The following VPS8 variants were observed in gnomAD, a reference collection of about 807,000 sequenced individuals.
The protein encoded by VPS8 is vacuolar protein sorting-associated protein 8 homolog.
VPS8 carries 129 observed loss-of-function variants against 216.4 expected under a neutral mutation model. The observed-to-expected ratio is 0.60, with a 90% CI of 0.52 to 0.69. The LOEUF (loss-of-function observed/expected upper bound fraction) is 0.69. Ranked by LOEUF, VPS8 falls within the 30% of genes least tolerant of loss-of-function variation. The pLI, the probability that VPS8 is intolerant of heterozygous loss-of-function variation, is 0.00. For synonymous variants in VPS8, 571 were observed against 565.4 expected (o/e 1.01, Z -0.14); for missense variants, 1,531 against 1,683.5 (o/e 0.91, Z 1.59).
At chr3:185,022,680 A>G (rs1369081140) in intron 45 of VPS8, among the ~76,000 whole-genome samples, 1 of 152,178 alleles carries the variant, frequency 6.6e-6, no homozygotes, top group African/African-American at 2.4e-5. Flanking sequence ...CTGGTAATTT[A>G]TAGTCTCCTT....
intron 40 of VPS8, among the ~76,000 whole-genome samples, chr3:184,975,596 A>G (rs961474570): frequency 6.6e-6 from 1 of 152,142 alleles, no homozygotes; most frequent in Non-Finnish European, 1.5e-5. Context: ...GTTGAATAAC[A>G]GTGGTAAAAG....
At chr3:185,041,810 A>C (rs995493927) in intron 46 of VPS8, among the ~76,000 whole-genome samples, 5 of 152,210 alleles carry the variant, frequency 3.3e-5, no homozygotes, top group Non-Finnish European at 7.3e-5. Context: ...GTCACTGCAG[A>C]GCGTAGCCTT....
At chr3:184,849,871 G>T in intron 9 of VPS8, 65 bp from the exon 10 acceptor site, 1 of 1,191,662 alleles carries the variant, frequency 8.4e-7, no homozygotes, top group South Asian at 1.3e-5. Context: ...CAGCCAGAAG[G>T]CAGGATACTT....
intron 22 of VPS8, 78 bp downstream of exon 22, chr3:184,886,234 C>T: frequency 1.5e-6 from 2 of 1,331,070 alleles, no homozygotes; most frequent in African/African-American, 1.5e-5. Context: ...GCTAAGAATT[C>T]TATGAATTTG....
intron 46 of VPS8, among the ~76,000 whole-genome samples, chr3:185,046,458 G>A (rs935080731): frequency 6.6e-6 from 1 of 152,182 alleles, no homozygotes; most frequent in Non-Finnish European, 1.5e-5. Flanking sequence ...CTCTTCCCTG[G>A]ATGGTGGAGT....
chr3:184,834,161 T>C (rs941564088), intron 4 of VPS8, among the ~76,000 whole-genome samples: 2 of 152,130 alleles, frequency 1.3e-5, no homozygotes, highest in African/African-American at 4.8e-5. Flanking sequence ...AAGAAGGCAG[T>C]AGGGTAATGT....
At chr3:184,999,617 C>T in intron 44 of VPS8, 79 bp from the exon 45 acceptor site, 8 of 1,463,382 alleles carry the variant, frequency 5.5e-6, no homozygotes, top group Non-Finnish European at 7.3e-6. Flanking sequence ...ATTTTTATTG[C>T]TTCTAAGTAC....
Position 184,929,788 on chromosome 3 carries a change from C to G in VPS8, c.2799+124C>G, listed in dbSNP as rs2109229444. Reference sequence around the variant, plus strand: ...GCCAAATACACATTGATAATTAAAACAGATACAGTTCTTGCAGTTTTGGAA... The same window carrying G: ...GCCAAATACACATTGATAATTAAAAGAGATACAGTTCTTGCAGTTTTGGAA... On this transcript the variant is annotated intron_variant, in intron 33 of 47. Transcript: ENST00000625842. The G allele has an allele frequency of 1.1e-5, 6 of 559,996 alleles. No homozygotes were observed. The South Asian group carries it at 1.6e-4, about 15-fold the overall frequency. The allele number at this position is 559,996 out of a possible 1,614,324, so 34.7% of individuals were successfully genotyped here. A position where few individuals can be genotyped will look rare whatever the true frequency, so the allele number is the denominator to read the frequency against.
At position 184,886,914 on chromosome 3, in the gene VPS8, T is replaced by C. The variant is rs146372170; in HGVS notation, c.1781+758T>C. Among the ~76,000 whole-genome samples the C allele has an allele frequency of 5.3e-3, 810 of 152,288 alleles. 11 individuals carry two copies. Among genetic ancestry groups the C allele is most frequent in the African/African-American group, 0.019 (780 of 41,570 alleles). ...GCTTTTATGAACCATCACTAGAACA[T>C]AGTATTTTATACTATTCAAAAAAGG... On this transcript the variant is annotated intron_variant, in intron 22 of 47. Coordinates refer to ENST00000625842, the MANE Select transcript of VPS8 (RefSeq NM_001009921.3).
At chr3:184,963,911 G>T (rs1289831750) in intron 37 of VPS8, among the ~76,000 whole-genome samples, 1 of 151,788 alleles carries the variant, frequency 6.6e-6, no homozygotes, top group African/African-American at 2.4e-5. Flanking sequence ...AACTGTTAAT[G>T]TGTTATTTGT....
intron 38 of VPS8, 28 bp downstream of exon 38, chr3:184,964,585 A>G (rs1747075625): frequency 2.2e-6 from 3 of 1,375,586 alleles, no homozygotes; most frequent in Non-Finnish European, 2.9e-6. Context: ...TTCTTTCATC[A>G]TATTTCTGTC....
chr3:184,907,631 A>G (rs1735727717), intron 25 of VPS8, among the ~76,000 whole-genome samples: 2 of 152,186 alleles, frequency 1.3e-5, no homozygotes, highest in South Asian at 4.1e-4. Context: ...TTTTGGGGTG[A>G]AATTCTCTGG....
chr3:185,038,314 A>G (rs1029532597), intron 46 of VPS8, among the ~76,000 whole-genome samples: 8 of 152,198 alleles, frequency 5.3e-5, no homozygotes, highest in African/African-American at 1.4e-4. Flanking sequence ...AAGCTCTACA[A>G]ATTGCCTGAT....
intron 28 of VPS8, among the ~76,000 whole-genome samples, chr3:184,918,297 A>G (rs779667624): frequency 6.6e-5 from 10 of 152,196 alleles, no homozygotes; most frequent in Middle Eastern, 3.2e-3. Context: ...CAGAAGCCCC[A>G]TAGTAATTTT....
chr3:184,965,168 A>G (rs1029872245), intron 38 of VPS8, among the ~76,000 whole-genome samples: 55 of 152,170 alleles, frequency 3.6e-4, no homozygotes, highest in African/African-American at 1.3e-3. Context: ...GTGTTTTTTA[A>G]TATTGTCGTG....
intron 25 of VPS8, among the ~76,000 whole-genome samples, chr3:184,912,013 C>G (rs1221135074): frequency 6.6e-6 from 1 of 152,164 alleles, no homozygotes; most frequent in Non-Finnish European, 1.5e-5. Context: ...TTTTTTGTAA[C>G]CATTTGTCTT....
At chr3:184,873,878 G>A (rs1388230101) in intron 21 of VPS8, among the ~76,000 whole-genome samples, 4 of 152,086 alleles carry the variant, frequency 2.6e-5, no homozygotes, top group Admixed American at 1.3e-4. Context: ...TTTCAAATAA[G>A]GCATTCTTGA....
chr3:184,821,626 C>T (rs1717613124), intron 1 of VPS8, among the ~76,000 whole-genome samples: 1 of 152,102 alleles, frequency 6.6e-6, no homozygotes, highest in Non-Finnish European at 1.5e-5. Flanking sequence ...GCTAGGATTA[C>T]AGGTGTGAGG....
chr3:185,030,095 A>T (rs1757907477), intron 46 of VPS8, among the ~76,000 whole-genome samples: 1 of 152,312 alleles, frequency 6.6e-6, no homozygotes, highest in Non-Finnish European at 1.5e-5. Context: ...ATCAGGAGTC[A>T]TTGCCTTCAG....
Sources: allele counts gnomAD v4.1 joint callset (sites outside exome capture counted in the v4.1 genomes callset), GRCh38; gene constraint gnomAD v4.1.1; transcripts MANE v1.5; gene names NCBI Gene and HGNC (gene_info 2026-07-23, HGNC 2026-07-21).